The following STPG2 variants were observed in gnomAD, a reference collection of about 807,000 sequenced individuals.
STPG2 encodes the protein sperm tail PG-rich repeat containing 2.
STPG2 carries 56 observed loss-of-function variants against 54.2 expected under a neutral mutation model. The observed-to-expected ratio is 1.03, with a 90% CI of 0.83 to 1.29. The LOEUF is 1.29. STPG2 is among the 50% of genes most tolerant of loss of function. STPG2 has a pLI of 0.00. For missense variants in STPG2, 596 were observed against 544.9 expected (o/e 1.09, Z -0.93); for synonymous variants, 200 against 181.8 (o/e 1.10, Z -0.81).
chr4:97,906,312 C>A (rs1415780401), intron 8 of STPG2, among the ~76,000 whole-genome samples: 1 of 152,100 alleles, frequency 6.6e-6, no homozygotes, highest in Non-Finnish European at 1.5e-5. Context: ...CAAGACTAAA[C>A]CAGGAAGAAG....
At chr4:97,744,050 A>G (rs1205134747) in intron 9 of STPG2, among the ~76,000 whole-genome samples, 3 of 151,518 alleles carry the variant, frequency 2.0e-5, no homozygotes, top group Non-Finnish European at 4.4e-5. Context: ...AAGCCTTTGC[A>G]TTTATATAAT....
At chr4:97,844,325 T>G (rs1728884866) in intron 8 of STPG2, among the ~76,000 whole-genome samples, 1 of 152,024 alleles carries the variant, frequency 6.6e-6, no homozygotes. Context: ...TTGTAGCATA[T>G]TGCAAATAAA....
intron 9 of STPG2, among the ~76,000 whole-genome samples, chr4:97,827,975 C>A (rs1017322651): frequency 5.3e-5 from 8 of 151,978 alleles, no homozygotes; most frequent in African/African-American, 1.9e-4. Flanking sequence ...GGGTACAAAC[C>A]CATGACCAGA....
chr4:98,110,947 AC>A (rs34131525), intron 3 of STPG2, among the ~76,000 whole-genome samples: 59,357 of 151,852 alleles, frequency 0.39, 11,833 homozygotes, highest in Middle Eastern at 0.45. Context: ...TCAAATCCAT[AC>A]CTGCCCCACC....
chr4:97,888,991 C>G (rs1212623780), intron 8 of STPG2, among the ~76,000 whole-genome samples: 1 of 152,218 alleles, frequency 6.6e-6, no homozygotes, highest in Non-Finnish European at 1.5e-5. Flanking sequence ...TTCCCCTTCA[C>G]CTTCAGCCAT....
chr4:97,838,738 C>T (rs929854325), intron 9 of STPG2, among the ~76,000 whole-genome samples: 3 of 151,380 alleles, frequency 2.0e-5, no homozygotes, highest in Admixed American at 1.3e-4. Context: ...GGATGGTATA[C>T]CTTAAGGTAG....
intron 7 of STPG2, among the ~76,000 whole-genome samples, chr4:97,963,607 C>A (rs1733978746): frequency 6.6e-6 from 1 of 151,126 alleles, no homozygotes; most frequent in South Asian, 2.1e-4. Flanking sequence ...GTGAGCCATA[C>A]CTGCACCATT....
chr4:98,020,877 TTTTTTATTGCGTCTA>T (rs1191679776), intron 5 of STPG2, among the ~76,000 whole-genome samples: 4 of 152,160 alleles, frequency 2.6e-5, no homozygotes, highest in Admixed American at 2.6e-4. Context: ...CCCTTTATCA[TTTTTTATTGCGTCTA>T]TTTGATTCTT....
intron 5 of STPG2, among the ~76,000 whole-genome samples, chr4:98,037,775 A>T (rs1560649299): frequency 6.6e-6 from 1 of 152,132 alleles, no homozygotes; most frequent in South Asian, 2.1e-4. Context: ...AAATACATAA[A>T]TCAACATTGT....
At chr4:97,527,982 G>A (rs532566133) in intron 4 of STPG2, among the ~76,000 whole-genome samples, 2 of 151,900 alleles carry the variant, frequency 1.3e-5, no homozygotes, top group Non-Finnish European at 2.9e-5. Context: ...TTCTTTTGTT[G>A]TGCAGAAGCT....
chr4:97,539,957 T>C (rs1360989188), intron 4 of STPG2, among the ~76,000 whole-genome samples: 1 of 152,124 alleles, frequency 6.6e-6, no homozygotes, highest in Non-Finnish European at 1.5e-5. Flanking sequence ...TACCAGAATC[T>C]CTGAGACACA....
At chr4:97,495,688 T>C (rs1730594943) in intron 4 of STPG2, among the ~76,000 whole-genome samples, 2 of 131,572 alleles carry the variant, frequency 1.5e-5, no homozygotes, top group Non-Finnish European at 3.2e-5. Context: ...ATTTTAAATG[T>C]TTGGGAAAGG....
At chr4:97,542,549 G>T (rs1731738587) in intron 4 of STPG2, among the ~76,000 whole-genome samples, 1 of 152,186 alleles carries the variant, frequency 6.6e-6, no homozygotes, top group Admixed American at 6.5e-5. Context: ...AACCATTATG[G>T]AAGACAGTGT....
At chr4:97,566,703 T>TA (rs769754942) in intron 10 of STPG2, among the ~76,000 whole-genome samples, 1 of 151,978 alleles carries the variant, frequency 6.6e-6, no homozygotes, top group Non-Finnish European at 1.5e-5. Context: ...TATGCAGCCA[T>TA]AAAAAATGAT....
At chr4:97,556,744 C>G (rs1732086738), downstream of STPG2, among the ~76,000 whole-genome samples, 1 of 151,984 alleles carries the variant, frequency 6.6e-6, no homozygotes, top group South Asian at 2.1e-4. Context: ...TAATTTCTCT[C>G]CTATATTTGG....
intron 10 of STPG2, among the ~76,000 whole-genome samples, chr4:97,585,635 A>G (rs1560673120): frequency 6.6e-6 from 1 of 151,886 alleles, no homozygotes; most frequent in Non-Finnish European, 1.5e-5. Context: ...CACTGTTTTC[A>G]TATGTTTTAG....
intron 5 of STPG2, among the ~76,000 whole-genome samples, chr4:98,004,680 TC>T (rs1256637465): frequency 1.3e-5 from 2 of 152,188 alleles, no homozygotes; most frequent in Non-Finnish European, 2.9e-5. Flanking sequence ...TAATAGCTTT[TC>T]TAAGAGGTGG....
At chr4:98,057,620 A>C (rs1737520733) in intron 5 of STPG2, among the ~76,000 whole-genome samples, 1 of 152,216 alleles carries the variant, frequency 6.6e-6, no homozygotes, top group African/African-American at 2.4e-5. Flanking sequence ...GAATGGAACC[A>C]ACTTGGAAAA....
At chr4:97,930,029 C>T (rs1166136285) in intron 8 of STPG2, among the ~76,000 whole-genome samples, 1 of 152,000 alleles carries the variant, frequency 6.6e-6, no homozygotes, top group Non-Finnish European at 1.5e-5. Flanking sequence ...CCTCCCGATA[C>T]CTGGGACTAC....
Sources: allele counts gnomAD v4.1 joint callset (sites outside exome capture counted in the v4.1 genomes callset), GRCh38; gene constraint gnomAD v4.1.1; transcripts MANE v1.5; gene names NCBI Gene and HGNC (gene_info 2026-07-23, HGNC 2026-07-21).